Variants in TLE4 observed in about 807,000 individuals in gnomAD.
The protein encoded by TLE4 is TLE family member 4, transcriptional corepressor.
TLE4 carries 8 observed loss-of-function variants against 92.8 expected under a neutral mutation model. That is an observed-to-expected ratio of 0.09 (90% CI 0.05 to 0.16). The LOEUF is 0.16. Among genes scored for constraint, TLE4 ranks in the 10% least tolerant of loss-of-function variants. TLE4 has a pLI of 1.00. For synonymous variants in TLE4, 371 were observed against 374.1 expected (o/e 0.99, Z 0.10); for missense variants, 675 against 997.6 (o/e 0.68, Z 4.36).
intron 8 of TLE4, among the ~76,000 whole-genome samples, chr9:79,666,151 T>C (rs2061349512): frequency 6.7e-6 from 1 of 148,976 alleles, no homozygotes; most frequent in African/African-American, 2.5e-5. Flanking sequence ...GAATCTCTGC[T>C]GTTTCCTTCA....
chr9:79,710,213 A>G (rs1267146175), intron 14 of TLE4, among the ~76,000 whole-genome samples: 1 of 152,252 alleles, frequency 6.6e-6, no homozygotes, highest in African/African-American at 2.4e-5. Context: ...ACAACACACC[A>G]GTTGTTCTAG....
At chr9:79,580,996 G>T (rs1359096070) in intron 4 of TLE4, among the ~76,000 whole-genome samples, 4 of 152,060 alleles carry the variant, frequency 2.6e-5, no homozygotes, top group Non-Finnish European at 4.4e-5. Context: ...GGTGGGAAGG[G>T]TTCTTGTGTT....
At chr9:79,715,751 A>T (rs1252381831) in intron 14 of TLE4, among the ~76,000 whole-genome samples, 2 of 151,740 alleles carry the variant, frequency 1.3e-5, no homozygotes, top group African/African-American at 4.8e-5. Flanking sequence ...TACAAAGACA[A>T]CCCCCCAGTA....
chr9:79,649,961 G>A (rs1176380008), intron 6 of TLE4: 1 of 1,105,056 alleles, frequency 9.0e-7, no homozygotes, highest in East Asian at 5.5e-5. Flanking sequence ...TGTCACACAG[G>A]CTGGGATGCA....
At chr9:79,649,788 C>T (rs374682941) in intron 6 of TLE4, 132 of 1,356,472 alleles carry the variant, frequency 9.7e-5, no homozygotes, top group East Asian at 9.1e-5. Context: ...TCCAATGGAA[C>T]GATGAGTCGG....
At chr9:79,722,342 C>A in intron 17 of TLE4, 109 bp from the exon 18 acceptor site, 1 of 1,306,718 alleles carries the variant, frequency 7.7e-7, no homozygotes. Flanking sequence ...TTCAAATTAT[C>A]TTGATTTTCT....
intron 2 of TLE4, 41 bp downstream of exon 2, chr9:79,573,827 C>G: frequency 1.4e-6 from 2 of 1,421,598 alleles, no homozygotes; most frequent in Non-Finnish European, 1.9e-6. Flanking sequence ...GTTTGCTTAG[C>G]TCTTGTCTCC....
chr9:79,610,637 T>TA (rs1417598672), intron 4 of TLE4, among the ~76,000 whole-genome samples: 1 of 152,112 alleles, frequency 6.6e-6, no homozygotes, highest in African/African-American at 2.4e-5. Flanking sequence ...AGGAGATCTT[T>TA]AACGGAAGTT....
intron 8 of TLE4, among the ~76,000 whole-genome samples, 183 bp downstream of exon 8, chr9:79,654,258 A>G (rs1367229648): frequency 1.4e-5 from 2 of 145,468 alleles, no homozygotes; most frequent in Non-Finnish European, 3.0e-5. Context: ...TAAAGGTCCC[A>G]TTTCTCTATC....
intron 4 of TLE4, among the ~76,000 whole-genome samples, chr9:79,577,147 T>G (rs2038082841): frequency 6.6e-6 from 1 of 152,148 alleles, no homozygotes; most frequent in Admixed American, 6.5e-5. Flanking sequence ...GCTTTTCATT[T>G]CCTATTTATG....
At chr9:79,608,561 TAG>T (rs932097766) in intron 4 of TLE4, among the ~76,000 whole-genome samples, 2 of 152,020 alleles carry the variant, frequency 1.3e-5, no homozygotes, top group African/African-American at 4.8e-5. Context: ...ATAAAATAAA[TAG>T]ATTCATCTTT....
At chr9:79,680,103 C>T (rs1373525130) in intron 8 of TLE4, among the ~76,000 whole-genome samples, 1 of 152,108 alleles carries the variant, frequency 6.6e-6, no homozygotes, top group Non-Finnish European at 1.5e-5. Flanking sequence ...GATGCAGGCT[C>T]TTTTTTGGTT....
intron 6 of TLE4, among the ~76,000 whole-genome samples, chr9:79,637,990 T>C (rs115838882): frequency 1.8e-3 from 278 of 152,210 alleles, no homozygotes; most frequent in African/African-American, 6.4e-3. Context: ...AATAGCAAAA[T>C]ATCATGTGGG....
At chr9:79,640,354 A>G (rs563411347) in intron 6 of TLE4, among the ~76,000 whole-genome samples, 5 of 152,320 alleles carry the variant, frequency 3.3e-5, no homozygotes, top group Non-Finnish European at 2.9e-5. Flanking sequence ...ATGAATTCAA[A>G]AAATACTGGA....
chr9:79,690,538 G>C (rs1282709502), intron 8 of TLE4, among the ~76,000 whole-genome samples: 1 of 151,892 alleles, frequency 6.6e-6, no homozygotes, highest in African/African-American at 2.4e-5. Flanking sequence ...GGAGGATACT[G>C]TTCACACGCA....
intron 4 of TLE4, among the ~76,000 whole-genome samples, chr9:79,588,507 A>C (rs760884691): frequency 6.6e-6 from 1 of 152,168 alleles, no homozygotes; most frequent in Non-Finnish European, 1.5e-5. Context: ...GTACACAGTG[A>C]GCTTAAATGT....
chr9:79,573,516 C>A (rs1423478311), intron 1 of TLE4, 173 bp from the exon 2 acceptor site: 3 of 823,172 alleles, frequency 3.6e-6, no homozygotes, highest in South Asian at 3.3e-5. Flanking sequence ...TCGAAACCAG[C>A]CTCTGCCTGG....
intron 14 of TLE4, among the ~76,000 whole-genome samples, chr9:79,714,983 C>T (rs1483806995): frequency 6.6e-6 from 1 of 152,074 alleles, no homozygotes; most frequent in African/African-American, 2.4e-5. Flanking sequence ...TTCTGAGTGC[C>T]TTCTATGTAT....
intron 8 of TLE4, among the ~76,000 whole-genome samples, chr9:79,683,526 T>C (rs1445438687): frequency 6.6e-6 from 1 of 152,218 alleles, no homozygotes; most frequent in East Asian, 1.9e-4. Flanking sequence ...GTCTAAATTA[T>C]GTAATTCTGG....
Sources: allele counts gnomAD v4.1 joint callset (sites outside exome capture counted in the v4.1 genomes callset), GRCh38; gene constraint gnomAD v4.1.1; transcripts MANE v1.5; gene names NCBI Gene and HGNC (gene_info 2026-07-23, HGNC 2026-07-21).